Variants in NDUFAF2 observed in about 807,000 individuals in gnomAD.
NDUFAF2 encodes the protein NADH:ubiquinone oxidoreductase complex assembly factor 2.
In NDUFAF2, 13 loss-of-function variants were observed where a neutral mutation model predicts 22.8. That is an observed-to-expected ratio of 0.57 (90% CI 0.37 to 0.91). The LOEUF (loss-of-function observed/expected upper bound fraction) is 0.91. Among genes scored for constraint, NDUFAF2 ranks in the 40% least tolerant of loss-of-function variants. NDUFAF2 has a pLI of 0.01. For synonymous variants in NDUFAF2, 53 were observed against 64.2 expected, an observed-to-expected ratio of 0.83 and a Z score of 0.84; for missense variants, 162 against 195.2, an observed-to-expected ratio of 0.83 and a Z score of 1.01.
At chr5:61,000,342 A>G (rs1273464211) in intron 1 of NDUFAF2, among the ~76,000 whole-genome samples, 3 of 152,074 alleles carry the variant, frequency 2.0e-5, no homozygotes, top group Admixed American at 6.6e-5. Context: ...AGAGAGGTAA[A>G]ACCAGCCCCC....
chr5:60,955,632 T>G (rs567130577), intron 1 of NDUFAF2, among the ~76,000 whole-genome samples: 1 of 152,316 alleles, frequency 6.6e-6, no homozygotes, highest in Admixed American at 6.5e-5. Context: ...TGTTAGAGAT[T>G]GTGTTGAATC....
At chr5:61,070,866 G>A (rs1450572466) in intron 1 of NDUFAF2, among the ~76,000 whole-genome samples, 3 of 151,982 alleles carry the variant, frequency 2.0e-5, no homozygotes, top group Non-Finnish European at 4.4e-5. Context: ...CATGTACTTT[G>A]AGGATCCCAT....
At chr5:61,035,432 T>TG (rs1751787445) in intron 1 of NDUFAF2, among the ~76,000 whole-genome samples, 2 of 146,038 alleles carry the variant, frequency 1.4e-5, no homozygotes, top group Non-Finnish European at 3.0e-5. Flanking sequence ...CTGTTTTTTT[T>TG]TTTTTTTTTT....
chr5:61,111,072 C>A (rs114077670), intron 3 of NDUFAF2, among the ~76,000 whole-genome samples: 1 of 152,010 alleles, frequency 6.6e-6, no homozygotes, highest in African/African-American at 2.4e-5. Flanking sequence ...CTTCATTGAC[C>A]CACTGATCTT....
chr5:60,984,941 A>G (rs1169403476), intron 1 of NDUFAF2, among the ~76,000 whole-genome samples: 1 of 152,070 alleles, frequency 6.6e-6, no homozygotes, highest in Non-Finnish European at 1.5e-5. Flanking sequence ...CTCATTTTCT[A>G]TTGATTGGAA....
intron 1 of NDUFAF2, among the ~76,000 whole-genome samples, chr5:60,962,401 T>C (rs184580581): frequency 8.7e-4 from 133 of 152,332 alleles, no homozygotes; most frequent in Non-Finnish European, 1.8e-3. Context: ...CCAATTCTTA[T>C]TGGTCTAACT....
chr5:61,058,758 T>G (rs1752129430), intron 1 of NDUFAF2, among the ~76,000 whole-genome samples: 2 of 152,016 alleles, frequency 1.3e-5, no homozygotes, highest in African/African-American at 4.8e-5. Context: ...ACAATTTAGC[T>G]TTACAAAAAA....
At chr5:61,056,759 G>A (rs898802144) in intron 1 of NDUFAF2, among the ~76,000 whole-genome samples, 2 of 150,258 alleles carry the variant, frequency 1.3e-5, no homozygotes, top group African/African-American at 2.5e-5. Flanking sequence ...ATGGTGGCGC[G>A]TGCCTGTAAT....
At chr5:61,007,233 G>A (rs1751379267) in intron 1 of NDUFAF2, among the ~76,000 whole-genome samples, 1 of 151,600 alleles carries the variant, frequency 6.6e-6, no homozygotes, top group Non-Finnish European at 1.5e-5. Context: ...TTTCTTCTAG[G>A]GTTTTTATGG....
intron 3 of NDUFAF2, among the ~76,000 whole-genome samples, chr5:61,136,638 T>G (rs1233742100): frequency 6.6e-6 from 1 of 152,176 alleles, no homozygotes; most frequent in Non-Finnish European, 1.5e-5. Context: ...TACAAGTAAC[T>G]TATTTGCAAG....
intron 1 of NDUFAF2, among the ~76,000 whole-genome samples, chr5:61,013,598 A>G (rs948307419): frequency 1.3e-5 from 2 of 152,130 alleles, no homozygotes; most frequent in Non-Finnish European, 2.9e-5. Context: ...ATTATATAAC[A>G]TTGAATGTGC....
At chr5:61,070,596 T>TACACACACACACACAC (rs10651718) in intron 1 of NDUFAF2, among the ~76,000 whole-genome samples, 12 of 147,974 alleles carry the variant, frequency 8.1e-5, no homozygotes, top group African/African-American at 2.8e-4. Flanking sequence ...TGTCTTTGCA[T>TACACACACACACACAC]ACACACACAC....
intron 1 of NDUFAF2, among the ~76,000 whole-genome samples, chr5:60,952,556 G>T (rs139775013): frequency 5.6e-4 from 85 of 152,096 alleles, no homozygotes; most frequent in African/African-American, 1.9e-3. Flanking sequence ...TATTTTATAT[G>T]ATTTCAGTTA....
intron 3 of NDUFAF2, among the ~76,000 whole-genome samples, chr5:61,123,362 A>C (rs529564396): frequency 6.6e-6 from 1 of 152,148 alleles, no homozygotes; most frequent in Non-Finnish European, 1.5e-5. Context: ...AGCCTACTAC[A>C]CACCCTGTCT....
chr5:60,956,242 C>T (rs528521952), intron 1 of NDUFAF2, among the ~76,000 whole-genome samples: 1 of 152,214 alleles, frequency 6.6e-6, no homozygotes, highest in East Asian at 1.9e-4. Context: ...TGAATTCATT[C>T]ATTAGTCTGA....
At position 61,009,765 on chromosome 5, in the gene NDUFAF2, A is replaced by G. The variant is rs562989810; in HGVS notation, c.128-63360A>G. Among the ~76,000 whole-genome samples the G allele has an allele frequency of 1.5e-4, 23 of 152,082 alleles. No individual in the cohort carries two copies. In the South Asian group the frequency reaches 4.4e-3, roughly 29 times the overall value. On this transcript the variant is annotated intron_variant, in intron 1 of 3. Transcript: ENST00000296597. ...AAAGCAAATCAGATCCATTCTCCCT[A>G]TGTTCTGATTCCAGACACTTAAAGA...
intron 3 of NDUFAF2, among the ~76,000 whole-genome samples, chr5:61,105,918 C>G (rs1446873779): frequency 6.6e-6 from 1 of 151,346 alleles, no homozygotes; most frequent in Admixed American, 6.6e-5. Flanking sequence ...GAATCCTAAT[C>G]TGGCAAGGGA....
intron 1 of NDUFAF2, among the ~76,000 whole-genome samples, chr5:61,002,343 G>T (rs1056620287): frequency 6.6e-6 from 1 of 152,010 alleles, no homozygotes; most frequent in African/African-American, 2.4e-5. Context: ...AACTCCTTTA[G>T]GATCTTAAGT....
intron 1 of NDUFAF2, among the ~76,000 whole-genome samples, chr5:60,946,226 A>G (rs886180030): frequency 6.6e-6 from 1 of 152,158 alleles, no homozygotes; most frequent in Non-Finnish European, 1.5e-5. Context: ...GGCGTGGGTT[A>G]GAATCTCAGC....
Sources: gnomAD v4.1 joint callset for allele counts (sites outside exome capture counted in the v4.1 genomes callset) on GRCh38, gnomAD v4.1.1 for gene constraint, MANE v1.5 for transcripts, NCBI Gene and HGNC (gene_info 2026-07-23, HGNC 2026-07-21) for gene names.